TINAG: variants seen among roughly 807,000 people sequenced by gnomAD.
TINAG encodes tubulointerstitial nephritis antigen.
In TINAG, 83 loss-of-function variants were observed where a neutral mutation model predicts 72.7. The observed-to-expected ratio is 1.14, with a 90% confidence interval of 0.96 to 1.37. TINAG has a LOEUF of 1.37. Among genes scored for constraint, TINAG ranks in the 40% most tolerant of loss-of-function variants. The pLI is 0.00. For synonymous variants in TINAG, 234 were observed against 189.9 expected (o/e 1.23, Z -1.91); for missense variants, 685 against 576.6 (o/e 1.19, Z -1.93).
chr6:54,332,277 C>A (rs1329803728), intron 4 of TINAG, among the ~76,000 whole-genome samples: 4 of 152,050 alleles, frequency 2.6e-5, no homozygotes, highest in Admixed American at 1.3e-4. Context: ...TATATACAGA[C>A]AAATGGAACA....
At chr6:54,343,122 A>AAAATAATTTAAT in intron 4 of TINAG, 104 bp from the exon 5 acceptor site, 1 of 1,048,988 alleles carries the variant, frequency 9.5e-7, no homozygotes, top group Non-Finnish European at 1.2e-6. Flanking sequence ...TTGGATGTAT[A>AAAATAATTTAAT]AAATAATTTA....
In TINAG at chr6:54,326,870, G is replaced by C; in HGVS notation, c.578G>C (p.Gly193Ala). The C allele has an allele frequency of 6.2e-7, 1 of 1,612,976 alleles. No individual in the cohort carries two copies. Among genetic ancestry groups the C allele is most frequent in the Non-Finnish European group, 8.5e-7 (1 of 1,179,782 alleles). ...TLEDGFKFRL[G>A]TLPPSPMLLS... The stretch of plus-strand genomic sequence containing the variant: ...GAAGATGGTTTTAAATTTCGCCTTG[G>C]CACTTTGCCACCTAGTCCCATGCTC... Residue 193 changes from glycine (G) to alanine (A), a missense_variant, in exon 4 of 11, where the codon GGC becomes GCC. Coordinates refer to ENST00000259782, the MANE Select transcript of TINAG (RefSeq NM_014464.4).
At chr6:54,309,415 C>T (rs753333257) in intron 1 of TINAG, among the ~76,000 whole-genome samples, 20 of 152,122 alleles carry the variant, frequency 1.3e-4, no homozygotes, top group Non-Finnish European at 2.5e-4. Context: ...AAGTCAGTCA[C>T]CCGCTCTGCC....
chr6:54,329,341 T>G (rs1345323297), intron 4 of TINAG, among the ~76,000 whole-genome samples: 1 of 152,122 alleles, frequency 6.6e-6, no homozygotes, highest in East Asian at 1.9e-4. Flanking sequence ...AAGAAAAGAA[T>G]TTTCAGCTCA....
At chr6:54,350,949 C>T (rs1203794017) in intron 7 of TINAG, among the ~76,000 whole-genome samples, 1 of 151,748 alleles carries the variant, frequency 6.6e-6, no homozygotes, top group East Asian at 1.9e-4. Flanking sequence ...TGCCTCCCTA[C>T]AGAGGGCTTC....
At chr6:54,385,537 C>A (rs1176652769) in intron 10 of TINAG, among the ~76,000 whole-genome samples, 1 of 151,760 alleles carries the variant, frequency 6.6e-6, no homozygotes, top group Non-Finnish European at 1.5e-5. Context: ...GCTCAAAAGA[C>A]TTCACTGGTG....
chr6:54,373,632 G>C (rs1391729716), intron 9 of TINAG, among the ~76,000 whole-genome samples: 1 of 152,030 alleles, frequency 6.6e-6, no homozygotes, highest in Non-Finnish European at 1.5e-5. Flanking sequence ...TGGGGTCTTG[G>C]CTACTCAATT....
chr6:54,313,051 G>T (rs1029542249), intron 1 of TINAG, among the ~76,000 whole-genome samples: 9 of 152,050 alleles, frequency 5.9e-5, no homozygotes, highest in Non-Finnish European at 1.0e-4. Context: ...TTGAAAGAAG[G>T]TAATTTCTTT....
intron 9 of TINAG, among the ~76,000 whole-genome samples, chr6:54,368,481 C>A (rs1171075236): frequency 6.6e-6 from 1 of 150,376 alleles, no homozygotes; most frequent in South Asian, 2.1e-4. Flanking sequence ...TTTCTTCAAA[C>A]TCTGAACTAA....
chr6:54,384,960 A>T (rs1320360840), intron 10 of TINAG, among the ~76,000 whole-genome samples: 1 of 152,170 alleles, frequency 6.6e-6, no homozygotes, highest in Non-Finnish European at 1.5e-5. Flanking sequence ...CAATAAATTT[A>T]AAAAATTGAA....
intron 10 of TINAG, among the ~76,000 whole-genome samples, chr6:54,389,332 T>C (rs1373351543): frequency 6.6e-6 from 1 of 152,168 alleles, no homozygotes; most frequent in Non-Finnish European, 1.5e-5. Flanking sequence ...ATGCCCTTTC[T>C]CTGACCTCAA....
At chr6:54,361,162 T>G (rs1763223256) in intron 9 of TINAG, among the ~76,000 whole-genome samples, 1 of 151,456 alleles carries the variant, frequency 6.6e-6, no homozygotes, top group Admixed American at 6.6e-5. Context: ...CCCTTCTCTC[T>G]CTTTTCCTTA....
At chr6:54,359,496 G>A (rs1763158833) in intron 9 of TINAG, among the ~76,000 whole-genome samples, 1 of 151,830 alleles carries the variant, frequency 6.6e-6, no homozygotes, top group East Asian at 2.0e-4. Flanking sequence ...TATTGGTCAT[G>A]TTTTCTTTTC....
Position 54,317,392 on chromosome 6 carries a change from C to T in TINAG, c.356-3187C>T, listed in dbSNP as rs187927552. 3.9e-5 allele frequency among the ~76,000 whole-genome samples: 6 copies of T among 152,228 alleles called. No homozygotes were observed. The East Asian group carries it at 5.8e-4, about 15-fold the overall frequency. On this transcript the variant is annotated intron_variant, in intron 1 of 10. Coordinates refer to ENST00000259782, the MANE Select transcript of TINAG (RefSeq NM_014464.4). Reference sequence around the variant, plus strand: ...GACCCAGTGAGAGGGAATTGAATCACGGGGACAGGTTTTTCCCATGCTGTT... The same window carrying T: ...GACCCAGTGAGAGGGAATTGAATCATGGGGACAGGTTTTTCCCATGCTGTT...
intron 4 of TINAG, among the ~76,000 whole-genome samples, chr6:54,330,539 A>G (rs1784713740): frequency 1.3e-5 from 2 of 152,208 alleles, no homozygotes; most frequent in Non-Finnish European, 2.9e-5. Flanking sequence ...TATCACAGTT[A>G]AAAGAACTAG....
In TINAG at chr6:54,349,475, A is replaced by T. The variant is rs562388858; in HGVS notation, c.900-241A>T. On this transcript the variant is annotated intron_variant, in intron 6 of 10. Transcript: ENST00000259782. ...TCAGGAAATTCTATACTACAGATAG[A>T]ATTATTTATAAAAATTGATCAAAGC... 5.3e-5 allele frequency among the ~76,000 whole-genome samples: 8 copies of T among 152,104 alleles called. No homozygotes were observed. In the South Asian group the frequency reaches 1.7e-3, roughly 32 times the overall value.
intron 4 of TINAG, among the ~76,000 whole-genome samples, chr6:54,328,793 T>G (rs1308736077): frequency 6.6e-6 from 1 of 151,630 alleles, no homozygotes; most frequent in African/African-American, 2.4e-5. Flanking sequence ...CTGATGGAGC[T>G]GAAAAAACAC....
chr6:54,375,032 A>G lies in TINAG; in HGVS notation c.1251-5494A>G, dbSNP rs147400444. On this transcript the variant is annotated intron_variant, in intron 9 of 10. Transcript: ENST00000259782. ...GACCCCAGAAATAGCAAATCTTCCA[A>G]AATATTGGAACATTTTTGTCTGGGT... 1.9e-3 allele frequency among the ~76,000 whole-genome samples: 290 copies of G among 152,216 alleles called. 1 individual carries two copies. The highest frequency in any genetic ancestry group is 6.7e-3 in the African/African-American group (280 of 41,540).
intron 3 of TINAG, among the ~76,000 whole-genome samples, chr6:54,322,321 A>AAAAC (rs901646275): frequency 6.8e-6 from 1 of 146,988 alleles, no homozygotes; most frequent in Non-Finnish European, 1.5e-5. Flanking sequence ...AAAACAAAAC[A>AAAAC]AAACAAACAA....
Sources: allele counts gnomAD v4.1 joint callset (sites outside exome capture counted in the v4.1 genomes callset), GRCh38; gene constraint gnomAD v4.1.1; transcripts MANE v1.5; gene names NCBI Gene and HGNC (gene_info 2026-07-23, HGNC 2026-07-21).